The following SNU13 variants were observed in gnomAD, a reference collection of about 807,000 sequenced individuals.
SNU13 encodes the protein NHP2-like protein 1.
SNU13 carries 2 observed loss-of-function variants against 12.4 expected under a neutral mutation model. That is an observed-to-expected ratio of 0.16 (90% CI 0.07 to 0.51). The LOEUF is 0.51. SNU13 is among the 20% of genes least tolerant of loss of function. The pLI, the probability that SNU13 is intolerant of heterozygous loss-of-function variation, is 0.96. For missense variants in SNU13, 66 were observed against 157.8 expected (o/e 0.42, Z 3.12); for synonymous variants, 68 against 66.5 (o/e 1.02, Z -0.11).
chr22:41,682,707 G>T, intron 1 of SNU13: 1 of 497,118 alleles, frequency 2.0e-6, no homozygotes, highest in Non-Finnish European at 3.1e-6. Context: ...TAGAGACGGA[G>T]TCTCCCTCTG....
intron 1 of SNU13, chr22:41,681,349 GATTT>G (rs1304140105): frequency 1.3e-5 from 2 of 152,196 alleles, no homozygotes; most frequent in African/African-American, 2.4e-5. Flanking sequence ...TATACAAGTA[GATTT>G]ATTTTGTAGT....
intron 2 of SNU13, among the ~76,000 whole-genome samples, chr22:41,677,760 C>G (rs2068226705): frequency 6.6e-6 from 1 of 151,976 alleles, no homozygotes; most frequent in African/African-American, 2.4e-5. Flanking sequence ...CTCCTAGTAC[C>G]TCTCATCCCC....
At chr22:41,680,069 G>C (rs1002846055) in intron 2 of SNU13, among the ~76,000 whole-genome samples, 175 bp downstream of exon 2, 2 of 152,064 alleles carry the variant, frequency 1.3e-5, no homozygotes, top group Non-Finnish European at 2.9e-5. Context: ...GTTAACAATT[G>C]GTGGGTCTAA....
chr22:41,677,209 T>C (rs1297084508), intron 2 of SNU13, among the ~76,000 whole-genome samples: 1 of 152,140 alleles, frequency 6.6e-6, no homozygotes, highest in East Asian at 1.9e-4. Context: ...AATAGGATTA[T>C]TGAAAGGATT....
At chr22:41,689,883 C>T (rs2068346502), upstream of SNU13, among the ~76,000 whole-genome samples, 1 of 150,974 alleles carries the variant, frequency 6.6e-6, no homozygotes, top group Non-Finnish European at 1.5e-5. Flanking sequence ...GAGGTTGAGG[C>T]AGGAGAATCG....
At chr22:41,690,307 A>G, upstream of SNU13, 2 of 656,932 alleles carry the variant, frequency 3.0e-6, no homozygotes, top group Non-Finnish European at 5.6e-6. Context: ...GAAATCAAGC[A>G]GACCGCAGGT....
intron 2 of SNU13, among the ~76,000 whole-genome samples, chr22:41,675,430 T>G (rs2068203575): frequency 6.8e-6 from 1 of 148,046 alleles, no homozygotes; most frequent in African/African-American, 2.5e-5. Flanking sequence ...TTCTTCTTCT[T>G]TTTTTTTTTT....
intron 2 of SNU13, among the ~76,000 whole-genome samples, chr22:41,678,200 C>T (rs2068231347): frequency 6.6e-6 from 1 of 152,110 alleles, no homozygotes; most frequent in Non-Finnish European, 1.5e-5. Flanking sequence ...TGGTCTCGAT[C>T]TCCTGACCTC....
chr22:41,689,047 A>G, upstream of SNU13: 1 of 1,246,736 alleles, frequency 8.0e-7, no homozygotes, highest in Non-Finnish European at 1.0e-6. Flanking sequence ...ATTGGCAGAA[A>G]CAATGAATTA....
At position 41,674,984 on chromosome 22, in the gene SNU13, C is replaced by G. The variant is rs375689148; in HGVS notation, c.336G>C (p.Leu112=). 1 of 1,613,970 alleles carries G rather than the reference C, an allele frequency of 6.2e-7. No homozygotes were observed. Among genetic ancestry groups the G allele is most frequent in the East Asian group, 2.2e-5 (1 of 44,896 alleles). Residue 112 remains leucine (L), a synonymous_variant, in exon 3 of 3, where the codon CTG becomes CTC. Transcript: ENST00000401959. The part of the protein sequence containing the change: ...CSVTIKEGSQ[L]KQQIQSIQQS... ...GCTGAATGGATTGGATCTGCTGTTT[C>G]AGCTGCGAGCCTTCTTTGATGGTGA... is the stretch of plus-strand genomic sequence containing the variant.
At chr22:41,678,254 T>C (rs577781241) in intron 2 of SNU13, among the ~76,000 whole-genome samples, 17 of 152,098 alleles carry the variant, frequency 1.1e-4, no homozygotes, top group South Asian at 2.1e-4. Context: ...GGATTACAGG[T>C]GTGAGCCACC....
chr22:41,690,420 C>A, upstream of SNU13: 1 of 719,382 alleles, frequency 1.4e-6, no homozygotes, highest in East Asian at 2.7e-5. Flanking sequence ...AACAATTCCC[C>A]AATACTGTCC....
Position 41,686,585 on chromosome 22 carries a change from C to T in SNU13, c.3+2209G>A, listed in dbSNP as rs1349321948. ...AAAGTGCTGGGATTACAGGTGTGAG[C>T]TACCACGTCCGGCCATACAAATGTT... On this transcript the variant is annotated intron_variant, in intron 1 of 2. Coordinates refer to ENST00000401959, the MANE Select transcript of SNU13 (RefSeq NM_001003796.2). Among the ~76,000 whole-genome samples, 60 of 151,604 alleles carry T rather than the reference C, an allele frequency of 4.0e-4. 1 individual carries two copies. The highest frequency in any genetic ancestry group is 2.2e-3 in the Admixed American group (33 of 15,210).
At chr22:41,686,429 C>A (rs58468198) in intron 1 of SNU13, among the ~76,000 whole-genome samples, 2 of 148,708 alleles carry the variant, frequency 1.3e-5, no homozygotes, top group African/African-American at 5.0e-5. Context: ...CTCAGCCTCC[C>A]GAGTAACTGG....
At chr22:41,682,417 G>C (rs111681589) in intron 1 of SNU13, 9 of 1,612,954 alleles carry the variant, frequency 5.6e-6, no homozygotes, top group Non-Finnish European at 6.8e-6. Flanking sequence ...GTGTCGGTTT[G>C]GACGGTCTGC....
At chr22:41,675,335 GTC>G in intron 2 of SNU13, 140 bp from the exon 3 acceptor site, 1 of 1,050,654 alleles carries the variant, frequency 9.5e-7, no homozygotes, top group Non-Finnish European at 1.4e-6. Context: ...TCAAACACCA[GTC>G]AGTCATACAC....
intron 1 of SNU13, chr22:41,681,368 T>C (rs937340177): frequency 5.3e-5 from 8 of 152,242 alleles, no homozygotes; most frequent in African/African-American, 1.9e-4. Flanking sequence ...TGTAGTCAGC[T>C]TGCTTTAAAT....
upstream of SNU13, among the ~76,000 whole-genome samples, chr22:41,689,684 GA>G (rs1002856787): frequency 5.6e-5 from 6 of 106,634 alleles, no homozygotes; most frequent in Non-Finnish European, 7.9e-5. Flanking sequence ...AAAAAAAGAA[GA>G]AAAAAAAGAG....
intron 1 of SNU13, among the ~76,000 whole-genome samples, chr22:41,681,008 G>A (rs2068259038): frequency 6.6e-6 from 1 of 152,156 alleles, no homozygotes; most frequent in Non-Finnish European, 1.5e-5. Flanking sequence ...CTTTAAATTT[G>A]AACTTCCGTA....
Sources: allele counts gnomAD v4.1 joint callset (sites outside exome capture counted in the v4.1 genomes callset), GRCh38; gene constraint gnomAD v4.1.1; transcripts MANE v1.5; gene names NCBI Gene and HGNC (gene_info 2026-07-23, HGNC 2026-07-21).